SLC25A21: variants seen among roughly 807,000 people sequenced by gnomAD.
The protein encoded by SLC25A21 is solute carrier family 25 member 21, also known as mitochondrial 2-oxodicarboxylate carrier.
A neutral mutation model predicts 43.8 loss-of-function variants in SLC25A21; 47 were observed. That is an observed-to-expected ratio of 1.07 (90% CI 0.85 to 1.37). The LOEUF is 1.37. Ranked by LOEUF, SLC25A21 falls within the 40% of genes most tolerant of loss-of-function variation. SLC25A21 has a pLI of 0.00. For missense variants in SLC25A21, 352 were observed against 350.2 expected (o/e 1.00, Z -0.04); for synonymous variants, 131 against 121.3 (o/e 1.08, Z -0.52).
intron 2 of SLC25A21, among the ~76,000 whole-genome samples, chr14:36,816,644 C>T (rs946037481): frequency 6.6e-6 from 1 of 151,936 alleles, no homozygotes; most frequent in Non-Finnish European, 1.5e-5. Flanking sequence ...GGACTACAGG[C>T]ATGCACCATC....
intron 3 of SLC25A21, among the ~76,000 whole-genome samples, chr14:36,735,033 G>C (rs905780927): frequency 3.3e-5 from 5 of 152,146 alleles, no homozygotes; most frequent in African/African-American, 1.2e-4. Flanking sequence ...TAATACAAGG[G>C]AACTAACAAG....
chr14:37,105,726 C>G (rs555014107), intron 1 of SLC25A21, among the ~76,000 whole-genome samples: 16 of 151,988 alleles, frequency 1.1e-4, no homozygotes, highest in African/African-American at 3.6e-4. Context: ...ACATAAAGGT[C>G]TATTATTAGC....
chr14:36,776,856 C>G (rs1886854580), intron 3 of SLC25A21, among the ~76,000 whole-genome samples: 1 of 152,204 alleles, frequency 6.6e-6, no homozygotes, highest in Non-Finnish European at 1.5e-5. Flanking sequence ...CACATCCTGT[C>G]TCAGAGAATT....
chr14:37,140,767 T>C (rs1963556423), intron 1 of SLC25A21, among the ~76,000 whole-genome samples: 1 of 152,194 alleles, frequency 6.6e-6, no homozygotes, highest in South Asian at 2.1e-4. Context: ...AAATTCTCTT[T>C]TGAAAATACA....
At chr14:36,952,702 G>A (rs1231724426) in intron 1 of SLC25A21, among the ~76,000 whole-genome samples, 2 of 152,138 alleles carry the variant, frequency 1.3e-5, no homozygotes, top group Admixed American at 1.3e-4. Flanking sequence ...ATAACTAAGG[G>A]TAAAAACAAG....
At chr14:37,103,792 C>T (rs760631086) in intron 1 of SLC25A21, among the ~76,000 whole-genome samples, 11 of 152,206 alleles carry the variant, frequency 7.2e-5, no homozygotes, top group Non-Finnish European at 1.6e-4. Context: ...AGACAACATC[C>T]AGTCACTTCT....
intron 1 of SLC25A21, among the ~76,000 whole-genome samples, chr14:37,003,902 G>C (rs1197323667): frequency 6.6e-6 from 1 of 152,100 alleles, no homozygotes; most frequent in Non-Finnish European, 1.5e-5. Context: ...CTTCAATAAA[G>C]TTTTCCCTTC....
At chr14:36,804,298 G>A (rs999237044) in intron 3 of SLC25A21, among the ~76,000 whole-genome samples, 1 of 152,152 alleles carries the variant, frequency 6.6e-6, no homozygotes, top group Non-Finnish European at 1.5e-5. Context: ...AGGGAATGGT[G>A]TAAATGTGAG....
intron 1 of SLC25A21, chr14:37,172,034 A>T (rs1378016825): frequency 1.8e-6 from 1 of 545,476 alleles, no homozygotes; most frequent in East Asian, 3.0e-5. Context: ...GGAACGGACA[A>T]TGCCGGGAAC....
intron 2 of SLC25A21, among the ~76,000 whole-genome samples, chr14:36,865,174 GC>G (rs1022423357): frequency 2.0e-5 from 3 of 151,688 alleles, no homozygotes; most frequent in African/African-American, 7.3e-5. Context: ...CCTCCTCCCT[GC>G]TAGAGGAGGC....
intron 2 of SLC25A21, among the ~76,000 whole-genome samples, chr14:36,865,826 G>A (rs1035732805): frequency 2.0e-5 from 3 of 152,184 alleles, no homozygotes; most frequent in Non-Finnish European, 4.4e-5. Context: ...TCCACAGATT[G>A]AGTAAAAGCC....
intron 7 of SLC25A21, among the ~76,000 whole-genome samples, chr14:36,711,108 T>C (rs1883838778): frequency 6.6e-6 from 1 of 152,210 alleles, no homozygotes; most frequent in Non-Finnish European, 1.5e-5. Flanking sequence ...CTGTCTACTA[T>C]GTGAGCTGGG....
chr14:37,073,893 A>G (rs1442998000), intron 1 of SLC25A21, among the ~76,000 whole-genome samples: 1 of 151,900 alleles, frequency 6.6e-6, no homozygotes, highest in African/African-American at 2.4e-5. Flanking sequence ...GAACATATCT[A>G]TAGTGTCCAA....
intron 1 of SLC25A21, among the ~76,000 whole-genome samples, chr14:36,943,588 T>A (rs532774301): frequency 2.6e-5 from 4 of 152,300 alleles, no homozygotes; most frequent in Admixed American, 2.6e-4. Flanking sequence ...GGAGGGCTGC[T>A]TCTGTCCCTC....
At chr14:36,782,909 A>ATGTATACATATGTGCACATGT (rs1316115733) in intron 3 of SLC25A21, among the ~76,000 whole-genome samples, 3 of 151,224 alleles carry the variant, frequency 2.0e-5, no homozygotes. Flanking sequence ...ATATGTAACT[A>ATGTATACATATGTGCACATGT]ACCTGCACAA....
At chr14:36,694,486 ACT>A (rs1882932095) in intron 7 of SLC25A21, among the ~76,000 whole-genome samples, 1 of 152,218 alleles carries the variant, frequency 6.6e-6, no homozygotes, top group Non-Finnish European at 1.5e-5. Flanking sequence ...AGGAATCGCC[ACT>A]GTCTTCCACA....
intron 1 of SLC25A21, among the ~76,000 whole-genome samples, chr14:37,154,383 C>T (rs754823867): frequency 5.3e-5 from 8 of 151,934 alleles, no homozygotes; most frequent in Non-Finnish European, 1.0e-4. Flanking sequence ...TCCTCTCCTA[C>T]AAAAGTAAGT....
chr14:36,704,571 C>G (rs1047278716), intron 7 of SLC25A21, among the ~76,000 whole-genome samples: 1 of 150,300 alleles, frequency 6.7e-6, no homozygotes, highest in Non-Finnish European at 1.5e-5. Context: ...GCAGGAGAAT[C>G]GCTTGAACCC....
rs1437062285 is a variant in SLC25A21, at chr14:37,023,407, A to G, written c.71-148403T>C. Among the ~76,000 whole-genome samples the G allele has an allele frequency of 4.7e-5, 7 of 149,594 alleles. No homozygotes were observed. In the East Asian group the frequency reaches 1.4e-3, roughly 29 times the overall value. Reference sequence around the variant, plus strand: ...TTTGAAATTGGTGCTCCATTGCTAAAGTTCAAGAGGAACTTAAAAAAAAAA... The same window carrying G: ...TTTGAAATTGGTGCTCCATTGCTAAGGTTCAAGAGGAACTTAAAAAAAAAA... On this transcript the variant is annotated intron_variant, in intron 1 of 9. Coordinates refer to ENST00000331299, the MANE Select transcript of SLC25A21 (RefSeq NM_030631.4).
Sources: allele counts gnomAD v4.1 joint callset (sites outside exome capture counted in the v4.1 genomes callset), GRCh38; gene constraint gnomAD v4.1.1; transcripts MANE v1.5; gene names NCBI Gene and HGNC (gene_info 2026-07-23, HGNC 2026-07-21).